Variants in PTPRM observed in about 807,000 individuals in gnomAD.
The protein encoded by PTPRM is protein tyrosine phosphatase receptor type M.
Under a neutral mutation model 186.7 loss-of-function variants are expected in PTPRM, and 47 were observed. The observed-to-expected ratio is 0.25, with a 90% CI of 0.20 to 0.32. PTPRM has a LOEUF of 0.32. Among genes scored for constraint, PTPRM ranks in the 10% least tolerant of loss-of-function variants. The pLI, the probability that PTPRM is intolerant of heterozygous loss-of-function variation, is 1.00. For missense variants in PTPRM, 1,494 were observed against 1,865.0 expected, an observed-to-expected ratio of 0.80 and a Z score of 3.66; for synonymous variants, 668 against 674.9, an observed-to-expected ratio of 0.99 and a Z score of 0.16.
chr18:7,696,074 C>G (rs2039837358), intron 1 of PTPRM, among the ~76,000 whole-genome samples: 1 of 152,130 alleles, frequency 6.6e-6, no homozygotes, highest in Non-Finnish European at 1.5e-5. Flanking sequence ...TAAGTGTCCC[C>G]AAAGATTGGG....
At chr18:8,305,134 T>C (rs921285117) in intron 20 of PTPRM, among the ~76,000 whole-genome samples, 1 of 152,214 alleles carries the variant, frequency 6.6e-6, no homozygotes, top group Admixed American at 6.5e-5. Flanking sequence ...GTAAATAAAT[T>C]AAAGGCCTGG....
At chr18:7,793,554 A>G (rs2043450993) in intron 2 of PTPRM, among the ~76,000 whole-genome samples, 1 of 152,170 alleles carries the variant, frequency 6.6e-6, no homozygotes. Flanking sequence ...CTCCTTCTCC[A>G]TGCACAGTGT....
intron 1 of PTPRM, among the ~76,000 whole-genome samples, chr18:7,639,524 T>A (rs1019188617): frequency 6.6e-6 from 1 of 151,652 alleles, no homozygotes; most frequent in Admixed American, 6.6e-5. Context: ...GTAGCTGGGA[T>A]TACAGGCACC....
intron 19 of PTPRM, among the ~76,000 whole-genome samples, chr18:8,274,271 C>T (rs1344886848): frequency 2.6e-5 from 4 of 152,168 alleles, no homozygotes; most frequent in African/African-American, 4.8e-5. Flanking sequence ...ACCTCAGATA[C>T]GCTGCAGAAC....
At chr18:7,931,342 T>TATAA (rs2051472855) in intron 5 of PTPRM, among the ~76,000 whole-genome samples, 1 of 152,122 alleles carries the variant, frequency 6.6e-6, no homozygotes. Flanking sequence ...TATATATATA[T>TATAA]AACACTGAAA....
intron 2 of PTPRM, among the ~76,000 whole-genome samples, chr18:7,857,244 G>A (rs1599095332): frequency 6.6e-6 from 1 of 152,190 alleles, no homozygotes; most frequent in Middle Eastern, 3.4e-3. Context: ...GGTCCTGTGT[G>A]GCATGCTGAG....
intron 7 of PTPRM, among the ~76,000 whole-genome samples, chr18:8,042,388 CA>C (rs1409717818): frequency 6.6e-6 from 1 of 152,042 alleles, no homozygotes; most frequent in African/African-American, 2.4e-5. Context: ...TGGCATATAT[CA>C]AAGAATGAAT....
chr18:7,631,483 C>G (rs191282133), intron 1 of PTPRM, among the ~76,000 whole-genome samples: 1 of 149,286 alleles, frequency 6.7e-6, no homozygotes, highest in South Asian at 2.1e-4. Flanking sequence ...CACGATATGC[C>G]GGGGGATTAA....
chr18:8,336,215 GCAGTGCCC>G lies in PTPRM; in HGVS notation c.2957-7205_2957-7198del, dbSNP rs2095438079. Among the ~76,000 whole-genome samples the G allele has an allele frequency of 6.6e-5, 10 of 152,076 alleles. No individual in the cohort carries two copies. The South Asian group carries it at 2.1e-3, about 32-fold the overall frequency. ...CAAACCTGTAGGTTTTTACACCTGG[GCAGTGCCC>G]CATGGTCATATTTGAGATAGGTGGT... On this transcript the variant is annotated intron_variant, in intron 22 of 32. Transcript: ENST00000580170.
chr18:8,258,235 A>T (rs1305041658), intron 19 of PTPRM, among the ~76,000 whole-genome samples: 1 of 152,202 alleles, frequency 6.6e-6, no homozygotes, highest in Non-Finnish European at 1.5e-5. Context: ...AGCAAAGGGC[A>T]GTCTGTGCTA....
intron 7 of PTPRM, among the ~76,000 whole-genome samples, chr18:7,984,969 AAT>A (rs1293672807): frequency 1.7e-5 from 2 of 119,194 alleles, no homozygotes; most frequent in South Asian, 2.3e-4. Flanking sequence ...ATATACATAT[AAT>A]TATATATACA....
intron 14 of PTPRM, among the ~76,000 whole-genome samples, chr18:8,226,994 G>A (rs1202814916): frequency 6.6e-6 from 1 of 152,178 alleles, no homozygotes; most frequent in Non-Finnish European, 1.5e-5. Flanking sequence ...GGTGTCATGT[G>A]ATAACACTGG....
At chr18:7,712,188 C>T (rs895396058) in intron 1 of PTPRM, among the ~76,000 whole-genome samples, 3 of 152,168 alleles carry the variant, frequency 2.0e-5, no homozygotes, top group Admixed American at 6.5e-5. Context: ...TTTACTGTTC[C>T]GTAGCCTCTG....
At chr18:8,094,340 T>C (rs1445466581) in intron 11 of PTPRM, among the ~76,000 whole-genome samples, 1 of 151,830 alleles carries the variant, frequency 6.6e-6, no homozygotes, top group African/African-American at 2.4e-5. Flanking sequence ...GCACTCCAAC[T>C]TGGGCAGCTG....
At chr18:7,730,030 G>T (rs1184548315) in intron 1 of PTPRM, among the ~76,000 whole-genome samples, 8 of 152,100 alleles carry the variant, frequency 5.3e-5, no homozygotes, top group Admixed American at 5.2e-4. Context: ...TACACCTAGA[G>T]CCTCACTGTA....
intron 32 of PTPRM, among the ~76,000 whole-genome samples, chr18:8,398,272 C>T (rs954115185): frequency 1.3e-5 from 2 of 152,180 alleles, no homozygotes; most frequent in African/African-American, 2.4e-5. Context: ...GCATGAGCCA[C>T]AGTGCCTGGC....
chr18:8,167,896 C>T (rs775987293), intron 14 of PTPRM, among the ~76,000 whole-genome samples: 7 of 152,210 alleles, frequency 4.6e-5, no homozygotes, highest in East Asian at 3.8e-4. Flanking sequence ...AGCGATGTCG[C>T]GAAGTGGCAT....
At chr18:7,590,097 A>T (rs1228658984) in intron 1 of PTPRM, among the ~76,000 whole-genome samples, 1 of 152,204 alleles carries the variant, frequency 6.6e-6, no homozygotes, top group African/African-American at 2.4e-5. Context: ...AAGCGAGAGC[A>T]TGGGTTTCCC....
At chr18:7,782,045 A>C (rs573143502) in intron 2 of PTPRM, among the ~76,000 whole-genome samples, 1 of 152,348 alleles carries the variant, frequency 6.6e-6, no homozygotes, top group African/African-American at 2.4e-5. Flanking sequence ...ACAAAGCAAA[A>C]TAAATTGGAC....
Sources: allele counts gnomAD v4.1 joint callset (sites outside exome capture counted in the v4.1 genomes callset), GRCh38; gene constraint gnomAD v4.1.1; transcripts MANE v1.5; gene names NCBI Gene and HGNC (gene_info 2026-07-23, HGNC 2026-07-21).